PKNOX2: variants seen among roughly 807,000 people sequenced by gnomAD.
PKNOX2 encodes the protein homeobox protein PKNOX2.
A neutral mutation model predicts 53.1 loss-of-function variants in PKNOX2; 14 were observed. The ratio of observed to expected loss-of-function variants is 0.26; its 90% confidence interval spans 0.17 to 0.41. The LOEUF (loss-of-function observed/expected upper bound fraction) is 0.41. Among genes scored for constraint, PKNOX2 ranks in the 10% least tolerant of loss-of-function variants. PKNOX2 has a pLI of 1.00. For synonymous variants in PKNOX2, 257 were observed against 242.8 expected, an observed-to-expected ratio of 1.06 and a Z score of -0.54; for missense variants, 496 against 602.8, an observed-to-expected ratio of 0.82 and a Z score of 1.85.
chr11:125,390,307 G>A (rs917332192), intron 6 of PKNOX2, among the ~76,000 whole-genome samples: 1 of 152,186 alleles, frequency 6.6e-6, no homozygotes, highest in Non-Finnish European at 1.5e-5. Flanking sequence ...TCATGCAGCT[G>A]GTCCATGGCC....
intron 3 of PKNOX2, among the ~76,000 whole-genome samples, chr11:125,344,844 G>A (rs1950889242): frequency 6.6e-6 from 1 of 152,180 alleles, no homozygotes; most frequent in Non-Finnish European, 1.5e-5. Flanking sequence ...TCATTGTGGA[G>A]TCGCGGCTTA....
chr11:125,415,585 C>G (rs1220960139), intron 10 of PKNOX2, among the ~76,000 whole-genome samples: 2 of 152,074 alleles, frequency 1.3e-5, no homozygotes, highest in South Asian at 2.1e-4. Flanking sequence ...CGAAGCTTCT[C>G]CCAAACTTAT....
intron 1 of PKNOX2, among the ~76,000 whole-genome samples, chr11:125,197,632 TTC>T (rs1275875526): frequency 6.6e-6 from 1 of 152,040 alleles, no homozygotes; most frequent in Admixed American, 6.5e-5. Flanking sequence ...CTCAAACCCC[TTC>T]CCTGCCCCAA....
At position 125,433,244 on chromosome 11, in the gene PKNOX2, C is replaced by T. The variant is rs889721439; in HGVS notation, c.*1852C>T. 1 of 152,844 alleles carries T rather than the reference C, an allele frequency of 6.5e-6. No homozygotes were observed. Among genetic ancestry groups the T allele is most frequent in the Non-Finnish European group, 1.5e-5 (1 of 68,146 alleles). The allele number at this position is 152,844 out of a possible 1,614,324, so 9.5% of individuals were successfully genotyped here. On this transcript the variant is annotated 3_prime_UTR_variant, in exon 13 of 13. Coordinates refer to ENST00000298282, the MANE Select transcript of PKNOX2 (RefSeq NM_001382323.2). ...CCACCTGGACAGGCGTCCCCCAGCA[C>T]GGACACACTGGCACACAGGTGCCCA...
chr11:125,421,261 G>A (rs570960153), intron 10 of PKNOX2, among the ~76,000 whole-genome samples: 5 of 152,292 alleles, frequency 3.3e-5, no homozygotes, highest in African/African-American at 1.2e-4. Flanking sequence ...AGTGTGTCCA[G>A]GCACTAGAAT....
At chr11:125,374,953 G>A (rs1463137815) in intron 5 of PKNOX2, among the ~76,000 whole-genome samples, 2 of 150,384 alleles carry the variant, frequency 1.3e-5, no homozygotes, top group African/African-American at 2.4e-5. Context: ...GGTGGGGTGG[G>A]GTGGGAGGAG....
At chr11:125,285,829 G>T (rs952450835) in intron 2 of PKNOX2, among the ~76,000 whole-genome samples, 3 of 152,196 alleles carry the variant, frequency 2.0e-5, no homozygotes, top group African/African-American at 7.2e-5. Context: ...CAAGCTCACG[G>T]CTTCCTAAGC....
intron 1 of PKNOX2, among the ~76,000 whole-genome samples, chr11:125,189,186 G>A (rs189914168): frequency 2.6e-5 from 4 of 151,424 alleles, no homozygotes; most frequent in African/African-American, 4.8e-5. Context: ...CTTCCATCCA[G>A]CTTGGAGCAG....
At position 125,352,360 on chromosome 11, in the gene PKNOX2, A is replaced by T. The variant is rs1416915695; in HGVS notation, c.87+968A>T. 2.0e-5 allele frequency among the ~76,000 whole-genome samples: 3 copies of T among 152,194 alleles called. No homozygotes were observed. The highest frequency in any genetic ancestry group is 4.4e-5 in the Non-Finnish European group (3 of 68,032). ...TCCATCCACAAATTCGCCCATGTGC[A>T]GCAGGTGCCCGCTGGGTGCTGTGGG... On this transcript the variant is annotated intron_variant, in intron 4 of 12. Coordinates refer to ENST00000298282, the MANE Select transcript of PKNOX2 (RefSeq NM_001382323.2). This position sits in a 1 kb window ranked among gnomAD's most constrained non-coding sequence, Gnocchi z 4.1.
intron 3 of PKNOX2, among the ~76,000 whole-genome samples, chr11:125,333,926 T>A (rs1218070432): frequency 6.6e-6 from 1 of 152,092 alleles, no homozygotes; most frequent in Non-Finnish European, 1.5e-5. Flanking sequence ...TAAAAATAAG[T>A]CTCGTTAATG....
chr11:125,195,325 C>T (rs527262024), intron 1 of PKNOX2, among the ~76,000 whole-genome samples: 1 of 152,310 alleles, frequency 6.6e-6, no homozygotes, highest in East Asian at 1.9e-4. Flanking sequence ...TCGTTCAAGA[C>T]ACGTGCTTTT....
chr11:125,292,072 G>A (rs1194965577), intron 2 of PKNOX2, among the ~76,000 whole-genome samples: 1 of 152,166 alleles, frequency 6.6e-6, no homozygotes, highest in Non-Finnish European at 1.5e-5. Context: ...TTTACGTCAT[G>A]GACATGTTAC....
intron 2 of PKNOX2, among the ~76,000 whole-genome samples, chr11:125,251,391 A>T (rs1270344508): frequency 5.9e-5 from 9 of 152,308 alleles, no homozygotes; most frequent in Non-Finnish European, 2.9e-5. Flanking sequence ...TCACTTCATT[A>T]AAGGCTAATG....
At chr11:125,339,620 ACTC>A (rs1205953638) in intron 3 of PKNOX2, among the ~76,000 whole-genome samples, 11 of 151,540 alleles carry the variant, frequency 7.3e-5, no homozygotes, top group African/African-American at 1.9e-4. Context: ...ACCCCACTTC[ACTC>A]CTCCTGGGCC....
chr11:125,192,721 G>A (rs1022232682), intron 1 of PKNOX2, among the ~76,000 whole-genome samples: 8 of 152,336 alleles, frequency 5.3e-5, no homozygotes, highest in African/African-American at 1.4e-4. Context: ...CAGGTGGGAG[G>A]ACTGTCTGCC....
chr11:125,224,355 T>C (rs2135517843), intron 1 of PKNOX2, among the ~76,000 whole-genome samples: 1 of 152,366 alleles, frequency 6.6e-6, no homozygotes, highest in East Asian at 1.9e-4. Flanking sequence ...TCCCATTTTA[T>C]CTACCTGCCA....
intron 2 of PKNOX2, among the ~76,000 whole-genome samples, chr11:125,248,305 A>G (rs949648763): frequency 6.6e-6 from 1 of 152,200 alleles, no homozygotes; most frequent in Non-Finnish European, 1.5e-5. Context: ...CCAGCAAAAG[A>G]AAAGCAGGTG....
intron 2 of PKNOX2, among the ~76,000 whole-genome samples, chr11:125,264,916 G>A (rs1208237686): frequency 6.6e-6 from 1 of 152,152 alleles, no homozygotes; most frequent in Non-Finnish European, 1.5e-5. Flanking sequence ...TTCCCAGAGT[G>A]GGCTCTGGGG....
intron 2 of PKNOX2, among the ~76,000 whole-genome samples, chr11:125,267,748 C>T (rs536154454): frequency 2.6e-4 from 39 of 147,650 alleles, no homozygotes; most frequent in East Asian, 2.5e-3. Flanking sequence ...TGCATGTGTG[C>T]GCGTGTGTGT....
Sources: gnomAD v4.1 joint callset for allele counts (sites outside exome capture counted in the v4.1 genomes callset) on GRCh38, gnomAD v4.1.1 for gene constraint, Gnocchi (gnomAD v3.1) non-coding constraint, MANE v1.5 for transcripts, NCBI Gene and HGNC (gene_info 2026-07-23, HGNC 2026-07-21) for gene names.